Variants in SLIT2 observed in about 807,000 individuals in gnomAD.
SLIT2 encodes the protein slit guidance ligand 2.
In SLIT2, 41 loss-of-function variants were observed where a neutral mutation model predicts 185.7. That is an observed-to-expected ratio of 0.22 (90% CI 0.17 to 0.29). The LOEUF is 0.29. SLIT2 is among the 10% of genes least tolerant of loss of function. The pLI is 1.00. For synonymous variants in SLIT2, 693 were observed against 680.2 expected, an observed-to-expected ratio of 1.02 and a Z score of -0.29; for missense variants, 1,571 against 1,909.0, an observed-to-expected ratio of 0.82 and a Z score of 3.30.
intron 4 of SLIT2, chr4:20,364,320 A>G: frequency 6.1e-6 from 6 of 976,852 alleles, no homozygotes; most frequent in Non-Finnish European, 7.3e-6. Flanking sequence ...CAAGTAATTG[A>G]AAAAGGGCCT....
intron 3 of SLIT2, among the ~76,000 whole-genome samples, chr4:20,258,214 C>T (rs1488585777): frequency 1.3e-5 from 2 of 151,698 alleles, no homozygotes; most frequent in Non-Finnish European, 3.0e-5. Flanking sequence ...ACAAGCATTT[C>T]TTATTCTTCA....
intron 4 of SLIT2, among the ~76,000 whole-genome samples, chr4:20,457,565 A>G (rs933318749): frequency 6.6e-6 from 1 of 152,036 alleles, no homozygotes; most frequent in Admixed American, 6.6e-5. Context: ...GCTGTCCCCA[A>G]CACTTCAAGC....
Position 20,524,084 on chromosome 4 carries a change from C to T in SLIT2, c.1345C>T (p.Pro449Ser). 2 of 1,614,130 alleles carry T rather than the reference C, an allele frequency of 1.2e-6. No homozygotes were observed. Among genetic ancestry groups the T allele is most frequent in the Non-Finnish European group, 1.7e-6 (2 of 1,179,972 alleles). ...KWLADYLHTNPIETSGARCTS... is the reference protein window; with the variant it reads ...KWLADYLHTNSIETSGARCTS... ...GCTAGCGGATTATCTCCATACCAAC[C>T]CGATTGAGACCAGTGGTGCCCGTTG... Residue 449 changes from proline to serine, a missense_variant, in exon 14 of 37, where the codon CCG becomes TCG. Pro to Ser is a moderately conservative substitution (Grantham distance 74). Transcript: ENST00000504154.
intron 22 of SLIT2, among the ~76,000 whole-genome samples, chr4:20,547,083 G>T (rs1199780876): frequency 1.3e-5 from 2 of 152,088 alleles, no homozygotes; most frequent in Admixed American, 6.6e-5. Flanking sequence ...AGTTAAAATT[G>T]CTGCTGATCA....
intron 4 of SLIT2, among the ~76,000 whole-genome samples, chr4:20,359,287 A>C (rs1722565244): frequency 6.6e-6 from 1 of 152,014 alleles, no homozygotes; most frequent in Non-Finnish European, 1.5e-5. Flanking sequence ...AAAAACACAG[A>C]TGGATGTGTG....
rs1577916397 is a variant in SLIT2 at position 20,554,567 on chromosome 4, A to G, written c.2725+599A>G. 2.0e-5 allele frequency among the ~76,000 whole-genome samples: 3 copies of G among 152,338 alleles called. No homozygotes were observed. In the Middle Eastern group the frequency reaches 0.01, roughly 518 times the overall value. On this transcript the variant is annotated intron_variant, in intron 26 of 36. Coordinates refer to ENST00000504154, the MANE Select transcript of SLIT2 (RefSeq NM_004787.4). ...CCTAAATAGAAAAATATGAATAATA[A>G]GAAACAATTTATTTTCTGCAAGAAG... is the stretch of plus-strand genomic sequence containing the variant.
intron 3 of SLIT2, among the ~76,000 whole-genome samples, chr4:20,263,386 A>G (rs552074804): frequency 5.3e-5 from 8 of 151,968 alleles, no homozygotes; most frequent in South Asian, 2.1e-4. Flanking sequence ...TGCAATGTCC[A>G]TACACTCTGA....
chr4:20,491,752 C>CT lies in SLIT2; in HGVS notation c.776-3dup. ...GGAAAAATATAATTCCTGTTTATTT[C>CT]TTTTTTAGGTCACCAGTCATTTATG... On this transcript the variant is annotated splice_polypyrimidine_tract_variant and intron_variant, in intron 8 of 36. Transcript: ENST00000504154. 6.2e-7 allele frequency: 1 copy of CT among 1,603,840 alleles called. No individual in the cohort carries two copies. Among genetic ancestry groups the CT allele is most frequent in the South Asian group, 1.1e-5 (1 of 88,866 alleles).
intron 20 of SLIT2, 152 bp downstream of exon 20, chr4:20,541,771 C>A: frequency 1.6e-6 from 1 of 641,418 alleles, no homozygotes; most frequent in South Asian, 2.1e-5. Flanking sequence ...TGCCAGGACA[C>A]TTACTTTCTT....
chr4:20,377,725 G>T (rs1577533426), intron 4 of SLIT2, among the ~76,000 whole-genome samples: 1 of 152,092 alleles, frequency 6.6e-6, no homozygotes, highest in Non-Finnish European at 1.5e-5. Flanking sequence ...AGTCCAAGTA[G>T]GTAGGACAGT....
chr4:20,538,206 C>T (rs113754429), intron 18 of SLIT2, among the ~76,000 whole-genome samples: 2 of 152,252 alleles, frequency 1.3e-5, no homozygotes, highest in East Asian at 1.9e-4. Context: ...GTGATCCGCC[C>T]GCCTCGGCCT....
chr4:20,487,871 G>T (rs1371904846), intron 7 of SLIT2, among the ~76,000 whole-genome samples: 1 of 152,008 alleles, frequency 6.6e-6, no homozygotes, highest in African/African-American at 2.4e-5. Flanking sequence ...TTATCTTTCT[G>T]GACTGAGTTC....
intron 4 of SLIT2, among the ~76,000 whole-genome samples, chr4:20,289,138 A>G (rs1418775668): frequency 1.3e-5 from 2 of 152,096 alleles, no homozygotes; most frequent in Non-Finnish European, 2.9e-5. Context: ...CAATGTCCGT[A>G]CTCTCCAATT....
At chr4:20,493,939 G>A (rs1319864135) in intron 9 of SLIT2, among the ~76,000 whole-genome samples, 1 of 152,198 alleles carries the variant, frequency 6.6e-6, no homozygotes, top group African/African-American at 2.4e-5. Flanking sequence ...AGTACAAGAT[G>A]TAATCAAATA....
chr4:20,317,648 T>A (rs375779399), intron 4 of SLIT2, among the ~76,000 whole-genome samples: 51 of 152,178 alleles, frequency 3.4e-4, no homozygotes, highest in African/African-American at 1.2e-3. Flanking sequence ...GAATAAATGA[T>A]CCTTGTCAAG....
intron 4 of SLIT2, among the ~76,000 whole-genome samples, chr4:20,402,490 T>TA (rs1376503159): frequency 1.3e-5 from 2 of 151,954 alleles, no homozygotes; most frequent in Non-Finnish European, 2.9e-5. Context: ...TAGTACTTTG[T>TA]AAGTTGTCTA....
intron 4 of SLIT2, among the ~76,000 whole-genome samples, chr4:20,406,416 T>C (rs1476245338): frequency 2.8e-5 from 4 of 143,162 alleles, no homozygotes; most frequent in African/African-American, 9.8e-5. Flanking sequence ...ACATACAGAT[T>C]CTCTATCTTT....
chr4:20,416,600 C>T (rs1037846544), intron 4 of SLIT2, among the ~76,000 whole-genome samples: 1 of 152,068 alleles, frequency 6.6e-6, no homozygotes, highest in African/African-American at 2.4e-5. Context: ...CGTATCAACT[C>T]CTGCCCTTTA....
At chr4:20,430,163 T>C (rs1466198414) in intron 4 of SLIT2, among the ~76,000 whole-genome samples, 2 of 151,118 alleles carry the variant, frequency 1.3e-5, no homozygotes, top group African/African-American at 4.8e-5. Flanking sequence ...TTAAAAATTC[T>C]TTTTTTCTTA....
Sources: allele counts gnomAD v4.1 joint callset (sites outside exome capture counted in the v4.1 genomes callset), GRCh38; gene constraint gnomAD v4.1.1; transcripts MANE v1.5; gene names NCBI Gene and HGNC (gene_info 2026-07-23, HGNC 2026-07-21).